Variants in PRELID3A observed in about 807,000 individuals in gnomAD.
The protein encoded by PRELID3A is PRELI domain containing protein 3A.
A neutral mutation model predicts 23.0 loss-of-function variants in PRELID3A; 27 were observed. That is an observed-to-expected ratio of 1.17 (90% CI 0.87 to 1.62). The LOEUF (loss-of-function observed/expected upper bound fraction) is 1.62. Ranked by LOEUF, PRELID3A falls within the 40% of genes most tolerant of loss-of-function variation. The pLI is 0.00. For synonymous variants in PRELID3A, 87 were observed against 86.4 expected (o/e 1.01, Z -0.04); for missense variants, 231 against 231.4 (o/e 1.00, Z 0.01).
At position 12,426,283 on chromosome 18, in the gene PRELID3A, A is replaced by ACG. The variant is rs2030362152; in HGVS notation, c.292-758_292-757insCG. ...GAAAAAGAAAATATAGGCCGGGTGGAGTGGCTCACGCCTGTAATCCCAGCA... is the reference window on the plus strand; with the variant it reads ...GAAAAAGAAAATATAGGCCGGGTGGACGGTGGCTCACGCCTGTAATCCCAGCA... On this transcript the variant is annotated intron_variant, in intron 3 of 6. Coordinates refer to ENST00000440960, the MANE Select transcript of PRELID3A (RefSeq NM_001142405.2). Among the ~76,000 whole-genome samples the ACG allele has an allele frequency of 3.4e-5, 5 of 148,098 alleles. No individual in the cohort carries two copies. The South Asian group carries it at 6.4e-4, about 19-fold the overall frequency.
chr18:12,409,223 A>G (rs945985509), intron 1 of PRELID3A, among the ~76,000 whole-genome samples: 4 of 131,124 alleles, frequency 3.1e-5, no homozygotes, highest in South Asian at 2.5e-4. Flanking sequence ...TTGGAGTGCA[A>G]TGGCGCGATC....
chr18:12,425,142 T>C (rs903702664), intron 3 of PRELID3A, among the ~76,000 whole-genome samples: 7 of 148,898 alleles, frequency 4.7e-5, no homozygotes, highest in Admixed American at 1.4e-4. Context: ...AAAAAAAAAA[T>C]TAAACTAATT....
intron 3 of PRELID3A, among the ~76,000 whole-genome samples, chr18:12,425,259 G>C (rs1421253311): frequency 6.6e-6 from 1 of 152,152 alleles, no homozygotes; most frequent in Non-Finnish European, 1.5e-5. Flanking sequence ...GCATGCATAG[G>C]ACATTACTGT....
chr18:12,416,405 C>G (rs1289828750), intron 1 of PRELID3A, among the ~76,000 whole-genome samples: 1 of 152,096 alleles, frequency 6.6e-6, no homozygotes. Flanking sequence ...GACCTCCGGT[C>G]TTAGGTGATC....
intron 3 of PRELID3A, chr18:12,422,179 G>A (rs2030203078): frequency 6.9e-6 from 1 of 145,554 alleles, no homozygotes; most frequent in South Asian, 2.2e-4. Flanking sequence ...CTGGTCTCAA[G>A]TGATGCCTTT....
chr18:12,422,820 T>C (rs577939014), intron 3 of PRELID3A, among the ~76,000 whole-genome samples: 5 of 152,170 alleles, frequency 3.3e-5, no homozygotes, highest in African/African-American at 4.8e-5. Context: ...TCAGCAAATA[T>C]AGAAATGGGC....
At position 12,427,208 on chromosome 18, in the gene PRELID3A, T is replaced by G; in HGVS notation, c.363-13T>G. The G allele has an allele frequency of 1.2e-6, 2 of 1,613,400 alleles. No homozygotes were observed. The highest frequency in any genetic ancestry group is 1.7e-6 in the Non-Finnish European group (2 of 1,179,442). On this transcript the variant is annotated splice_polypyrimidine_tract_variant and intron_variant, in intron 4 of 6. Transcript: ENST00000440960. ...AGGGCTGGTCAGCCCCTTTTCTTCTTGCTCTTTTGCAGGACCGTGCTCACA... is the reference window on the plus strand; with the variant it reads ...AGGGCTGGTCAGCCCCTTTTCTTCTGGCTCTTTTGCAGGACCGTGCTCACA...
At chr18:12,420,811 G>T (rs2030153653) in intron 2 of PRELID3A, among the ~76,000 whole-genome samples, 1 of 139,482 alleles carries the variant, frequency 7.2e-6, no homozygotes, top group Admixed American at 7.0e-5. Flanking sequence ...GGGGACGGTG[G>T]GGGGGTCTTC....
intron 3 of PRELID3A, among the ~76,000 whole-genome samples, chr18:12,421,868 A>G (rs1361380479): frequency 6.6e-6 from 1 of 152,210 alleles, no homozygotes; most frequent in Non-Finnish European, 1.5e-5. Context: ...CAGTTCAAGC[A>G]ACAGAATTTG....
At chr18:12,426,772 C>A (rs2030394427) in intron 3 of PRELID3A, among the ~76,000 whole-genome samples, 2 of 152,064 alleles carry the variant, frequency 1.3e-5, no homozygotes, top group Non-Finnish European at 2.9e-5. Flanking sequence ...GGTACAACTG[C>A]TGATAGTTTT....
chr18:12,432,086 CTG>C lies in PRELID3A; in HGVS notation c.*971_*972del, dbSNP rs745917909. 8.5e-5 allele frequency: 13 copies of C among 152,218 alleles called. No individual in the cohort carries two copies. Among genetic ancestry groups the C allele is most frequent in the Non-Finnish European group, 1.9e-4 (13 of 68,046 alleles). 9.4% of individuals were successfully genotyped at this position (152,218 alleles called of 1,614,324 possible). A position where few individuals can be genotyped will look rare whatever the true frequency, so the allele number is the denominator to read the frequency against. On this transcript the variant is annotated 3_prime_UTR_variant, in exon 7 of 7. Transcript: ENST00000440960. ...TATGGTTAAAAAAGAGTACAGGAGT[CTG>C]GAGTCCGTTGAAGGGTAAAGGCCTC... is the stretch of plus-strand genomic sequence containing the variant.
chr18:12,429,370 G>A lies in PRELID3A; in HGVS notation c.486G>A (p.Trp162Ter), dbSNP rs751017098. ...TGCAGGGGTGGGCTGCTATCGAGTG[G>A]ATAATTGAACACTCTGAAAGCGCTG... is the stretch of plus-strand genomic sequence containing the variant. ...NAKKGWAAIE[W>*]IIEHSESAVS The change falls in exon 6 of 7, where the codon TGG becomes TGA. Residue 162 changes from tryptophan (W) to a stop codon, truncating the protein, a stop_gained. Transcript: ENST00000440960. LOFTEE classifies it high-confidence loss of function. 2 of 1,613,840 alleles carry A rather than the reference G, an allele frequency of 1.2e-6. No individual in the cohort carries two copies. The highest frequency in any genetic ancestry group is 2.2e-5 in the East Asian group (1 of 44,876).
At chr18:12,414,459 C>G (rs942335443) in intron 1 of PRELID3A, among the ~76,000 whole-genome samples, 9 of 152,226 alleles carry the variant, frequency 5.9e-5, no homozygotes, top group African/African-American at 2.2e-4. Context: ...GGCGCCATGG[C>G]TCATGCCTGT....
At position 12,427,235 on chromosome 18, in the gene PRELID3A, A is replaced by C. The variant is rs771638286; in HGVS notation, c.377A>C (p.Gln126Pro). The C allele has an allele frequency of 6.2e-7, 1 of 1,614,154 alleles. No individual in the cohort carries two copies. The highest frequency in any genetic ancestry group is 8.5e-7 in the Non-Finnish European group (1 of 1,180,028). Reference protein sequence around the residue: ...PENPEMTVLTQEAIITVKGIS... With the variant: ...PENPEMTVLTPEAIITVKGIS... ...CTCTTTTGCAGGACCGTGCTCACAC[A>C]AGAAGCCATCATCACTGTGAAGGGG... Residue 126 changes from glutamine to proline, a missense_variant, in exon 5 of 7, where the codon CAA becomes CCA. Transcript: ENST00000440960.
intron 3 of PRELID3A, among the ~76,000 whole-genome samples, chr18:12,426,411 G>A (rs1209194292): frequency 6.7e-6 from 1 of 148,190 alleles, no homozygotes; most frequent in Non-Finnish European, 1.5e-5. Flanking sequence ...AAAATTAGCT[G>A]GGCATGGTGG....
At chr18:12,412,126 G>A (rs1326722304) in intron 1 of PRELID3A, among the ~76,000 whole-genome samples, 2 of 151,256 alleles carry the variant, frequency 1.3e-5, no homozygotes, top group African/African-American at 4.9e-5. Flanking sequence ...TCCTGACCTC[G>A]TGATCCGCCC....
intron 1 of PRELID3A, among the ~76,000 whole-genome samples, chr18:12,413,081 A>G (rs1909968744): frequency 6.6e-6 from 1 of 152,328 alleles, no homozygotes; most frequent in South Asian, 2.1e-4. Flanking sequence ...GGAGCATCTT[A>G]GTAGTCTTTT....
intron 3 of PRELID3A, among the ~76,000 whole-genome samples, chr18:12,426,363 G>A (rs560489789): frequency 7.6e-4 from 115 of 150,692 alleles, no homozygotes; most frequent in Admixed American, 3.2e-3. Context: ...GACCATCCTG[G>A]CTAACACGGT....
At chr18:12,415,314 C>T (rs925965041) in intron 1 of PRELID3A, among the ~76,000 whole-genome samples, 3 of 151,624 alleles carry the variant, frequency 2.0e-5, no homozygotes, top group African/African-American at 7.3e-5. Context: ...GGCAGAAGTG[C>T]AGTGGTGCGT....
Sources: gnomAD v4.1 joint callset for allele counts (sites outside exome capture counted in the v4.1 genomes callset) on GRCh38, gnomAD v4.1.1 for gene constraint, MANE v1.5 for transcripts, NCBI Gene and HGNC (gene_info 2026-07-23, HGNC 2026-07-21) for gene names.